Variants in TNRC6C observed in about 807,000 individuals in gnomAD.
The protein encoded by TNRC6C is trinucleotide repeat-containing gene 6C protein.
A neutral mutation model predicts 153.7 loss-of-function variants in TNRC6C; 20 were observed. The observed-to-expected ratio is 0.13, with a 90% CI of 0.09 to 0.19. The LOEUF (loss-of-function observed/expected upper bound fraction) is 0.19. TNRC6C is among the 10% of genes least tolerant of loss of function. The pLI, the probability that TNRC6C is intolerant of heterozygous loss-of-function variation, is 1.00. For synonymous variants in TNRC6C, 811 were observed against 841.4 expected (o/e 0.96, Z 0.63); for missense variants, 1,987 against 2,172.0 (o/e 0.91, Z 1.69).
chr17:78,032,340 C>T (rs1240658444), intron 2 of TNRC6C, among the ~76,000 whole-genome samples: 1 of 152,218 alleles, frequency 6.6e-6, no homozygotes, highest in Non-Finnish European at 1.5e-5. Flanking sequence ...GCTTCCTTGC[C>T]TGTAACTAGT....
chr17:78,098,386 C>G, exon 17 of TNRC6C: 1 of 1,613,806 alleles, frequency 6.2e-7, no homozygotes, highest in Non-Finnish European at 8.5e-7. Flanking sequence ...CTGGCCCTAC[C>G]TCCCACACGC....
chr17:77,996,616 C>T (rs1307843638), intron 1 of TNRC6C, among the ~76,000 whole-genome samples: 1 of 152,224 alleles, frequency 6.6e-6, no homozygotes, highest in African/African-American at 2.4e-5. Context: ...TTCCTGAACT[C>T]AAGAGGGCAT....
At chr17:78,059,929 C>T (rs1362028675) in intron 3 of TNRC6C, among the ~76,000 whole-genome samples, 5 of 151,882 alleles carry the variant, frequency 3.3e-5, no homozygotes, top group Non-Finnish European at 5.9e-5. Flanking sequence ...CCATTAAAAT[C>T]TGTATTAGTA....
intron 1 of TNRC6C, among the ~76,000 whole-genome samples, chr17:77,973,594 A>C (rs2070959411): frequency 6.6e-6 from 1 of 152,246 alleles, no homozygotes; most frequent in Admixed American, 6.5e-5. Context: ...GAAAATCCTT[A>C]GGAATCCACA....
intron 1 of TNRC6C, among the ~76,000 whole-genome samples, chr17:77,990,703 T>G (rs375636703): frequency 2.6e-5 from 4 of 152,188 alleles, no homozygotes; most frequent in Admixed American, 2.0e-4. Flanking sequence ...TCCCATAGAA[T>G]TAGGTTTTAA....
intron 1 of TNRC6C, among the ~76,000 whole-genome samples, chr17:77,998,070 C>G (rs2071357185): frequency 6.6e-6 from 1 of 152,072 alleles, no homozygotes; most frequent in African/African-American, 2.4e-5. Context: ...TGAGTTTTAA[C>G]AAACACATAC....
At position 78,013,792 on chromosome 17, in the gene TNRC6C, T is replaced by C. The variant is rs570236946; in HGVS notation, c.-546+8713T>C. On this transcript the variant is annotated intron_variant, in intron 1 of 19. Coordinates refer to ENST00000301624, the Ensembl canonical transcript of TNRC6C. ...GAGGGAACAGCATCTGTAAAGAGCC[T>C]GTGGCCGTATGGAGTATGACATTTT... Among the ~76,000 whole-genome samples the C allele has an allele frequency of 7.9e-5, 12 of 152,288 alleles. No homozygotes were observed. In the South Asian group the frequency reaches 2.3e-3, roughly 29 times the overall value.
At chr17:77,962,357 G>T (rs536555669) in intron 1 of TNRC6C, among the ~76,000 whole-genome samples, 3 of 152,262 alleles carry the variant, frequency 2.0e-5, no homozygotes, top group African/African-American at 7.2e-5. Context: ...TTCAGTCAGG[G>T]TTTATTGTGC....
At chr17:78,062,358 A>G (rs1375816813) in intron 3 of TNRC6C, among the ~76,000 whole-genome samples, 3 of 152,048 alleles carry the variant, frequency 2.0e-5, no homozygotes, top group Non-Finnish European at 1.5e-5. Context: ...GAATAAGAGT[A>G]TCAAGGGAAC....
chr17:77,997,779 C>T (rs888363360), intron 1 of TNRC6C, among the ~76,000 whole-genome samples: 14 of 152,126 alleles, frequency 9.2e-5, no homozygotes, highest in South Asian at 2.1e-4. Flanking sequence ...CTCAGCCTCC[C>T]GAGTAGCTGG....
At chr17:78,081,443 A>G (rs1006235099) in intron 10 of TNRC6C, among the ~76,000 whole-genome samples, 1 of 152,188 alleles carries the variant, frequency 6.6e-6, no homozygotes, top group African/African-American at 2.4e-5. Context: ...TAACTAATAC[A>G]TGTAACTATT....
chr17:78,067,766 C>G, exon 5 of TNRC6C: 1 of 1,604,868 alleles, frequency 6.2e-7, no homozygotes, highest in Non-Finnish European at 8.5e-7. Context: ...GCTTCAAAAT[C>G]TATGCAAGAA....
At chr17:78,060,536 G>A (rs557483814) in intron 3 of TNRC6C, among the ~76,000 whole-genome samples, 7 of 142,030 alleles carry the variant, frequency 4.9e-5, no homozygotes, top group Non-Finnish European at 9.0e-5. Context: ...GCAGTGGCAC[G>A]ATCTCAGCTC....
At chr17:78,091,583 C>A in exon 14 of TNRC6C, 1 of 1,574,248 alleles carries the variant, frequency 6.4e-7, no homozygotes. Context: ...CGCTTCCCCC[C>A]TGGAGCAGAA....
intron 1 of TNRC6C, among the ~76,000 whole-genome samples, chr17:77,994,806 C>T (rs142480639): frequency 1.3e-4 from 19 of 151,712 alleles, no homozygotes; most frequent in African/African-American, 4.4e-4. Flanking sequence ...AATTATTTCA[C>T]TCCATCTGTC....
chr17:78,014,890 AC>A (rs2071700112), intron 1 of TNRC6C, among the ~76,000 whole-genome samples: 1 of 151,422 alleles, frequency 6.6e-6, no homozygotes, highest in Admixed American at 6.6e-5. Context: ...CAGCAGATGG[AC>A]CCTCCGTACT....
At chr17:78,019,854 A>G (rs1266663724) in intron 1 of TNRC6C, among the ~76,000 whole-genome samples, 1 of 152,172 alleles carries the variant, frequency 6.6e-6, no homozygotes, top group Admixed American at 6.5e-5. Flanking sequence ...GGTCTTTTTG[A>G]AGAAGGGGAA....
chr17:77,964,997 A>G (rs1282564334), intron 1 of TNRC6C, among the ~76,000 whole-genome samples: 1 of 152,200 alleles, frequency 6.6e-6, no homozygotes, highest in Non-Finnish European at 1.5e-5. Context: ...GTGGGAGTGG[A>G]CGAGGTTAGA....
intron 12 of TNRC6C, 124 bp downstream of exon 14, chr17:78,086,710 C>T: frequency 6.4e-7 from 1 of 1,560,348 alleles, no homozygotes; most frequent in Middle Eastern, 1.7e-4. Flanking sequence ...TTGAAAATTC[C>T]TGGGTTCAGC....
Sources: gnomAD v4.1 joint callset for allele counts (sites outside exome capture counted in the v4.1 genomes callset) on GRCh38, gnomAD v4.1.1 for gene constraint, MANE v1.5 for transcripts, NCBI Gene and HGNC (gene_info 2026-07-23, HGNC 2026-07-21) for gene names.